CAST: variants seen among roughly 807,000 people sequenced by gnomAD.
CAST encodes calpastatin, also known as MIR583 host.
Under a neutral mutation model 119.6 loss-of-function variants are expected in CAST, and 76 were observed. The observed-to-expected ratio is 0.64, with a 90% CI of 0.53 to 0.77. The LOEUF is 0.77. Among genes scored for constraint, CAST ranks in the 30% least tolerant of loss-of-function variants. The pLI, the probability that CAST is intolerant of heterozygous loss-of-function variation, is 0.00. For missense variants in CAST, 953 were observed against 946.5 expected, an observed-to-expected ratio of 1.01 and a Z score of -0.09; for synonymous variants, 319 against 331.6, an observed-to-expected ratio of 0.96 and a Z score of 0.41.
At chr5:96,682,988 C>T (rs554562566) in intron 2 of CAST, among the ~76,000 whole-genome samples, 1 of 152,090 alleles carries the variant, frequency 6.6e-6, no homozygotes, top group African/African-American at 2.4e-5. Context: ...CCACACCCTG[C>T]CCACTCCACT....
chr5:96,711,272 TG>T (rs1756094320), intron 3 of CAST, among the ~76,000 whole-genome samples: 1 of 152,158 alleles, frequency 6.6e-6, no homozygotes, highest in African/African-American at 2.4e-5. Flanking sequence ...ACTGAAAATT[TG>T]GGTACCATTC....
At chr5:96,609,082 C>T (rs1747312006) in intron 1 of CAST, among the ~76,000 whole-genome samples, 1 of 152,194 alleles carries the variant, frequency 6.6e-6, no homozygotes, top group South Asian at 2.1e-4. Context: ...GCCTGTCCAG[C>T]CTCAGACAGA....
chr5:96,237,827 A>T, the CAST span, among the ~76,000 whole-genome samples: 1 of 152,124 alleles, frequency 6.6e-6, no homozygotes, highest in South Asian at 2.1e-4. Context: ...TTGTCCAAAG[A>T]ATTTCTCATG....
the CAST span, among the ~76,000 whole-genome samples, chr5:96,495,799 T>G: frequency 2.0e-5 from 3 of 152,228 alleles, no homozygotes; most frequent in Non-Finnish European, 2.9e-5. Context: ...AAAAATTATT[T>G]CAAGATAATA....
chr5:96,191,007 C>T, the CAST span, among the ~76,000 whole-genome samples: 502 of 152,256 alleles, frequency 3.3e-3, 2 homozygotes, highest in Non-Finnish European at 6.2e-3. Flanking sequence ...TGTATTAATT[C>T]GCTTAGGATA....
the CAST span, among the ~76,000 whole-genome samples, chr5:96,048,700 A>G: frequency 6.6e-6 from 1 of 151,986 alleles, no homozygotes; most frequent in Non-Finnish European, 1.5e-5. Context: ...CATGTCCCAA[A>G]TATGTCAGAA....
rs568981782 is a variant in CAST, at chr5:96,696,805, G to C, written c.210+898G>C. Among the ~76,000 whole-genome samples the C allele has an allele frequency of 5.3e-5, 8 of 152,168 alleles. No homozygotes were observed. In the East Asian group the frequency reaches 1.3e-3, roughly 26 times the overall value. On this transcript the variant is annotated intron_variant, in intron 3 of 31. Coordinates refer to ENST00000675179, the MANE Select transcript of CAST (RefSeq NM_001750.7). ...TGGGAGGTCGAGGCTGCAGTGAGCT[G>C]TGACAGTGCCACTGCACTCCAGCCT... is the stretch of plus-strand genomic sequence containing the variant.
chr5:96,458,719 G>A, the CAST span, among the ~76,000 whole-genome samples: 2 of 152,032 alleles, frequency 1.3e-5, no homozygotes, highest in African/African-American at 4.8e-5. Context: ...AATCTTTAAA[G>A]TCCTTGATTT....
the CAST span, among the ~76,000 whole-genome samples, chr5:96,412,716 C>A: frequency 5.6e-5 from 8 of 143,822 alleles, no homozygotes; most frequent in African/African-American, 2.2e-4. Flanking sequence ...AGAGATAATA[C>A]TATGCAATAC....
chr5:96,369,061 T>C, the CAST span, among the ~76,000 whole-genome samples: 1 of 151,970 alleles, frequency 6.6e-6, no homozygotes, highest in Non-Finnish European at 1.5e-5. Context: ...ATTTCATCCA[T>C]GCACCCTCAA....
chr5:96,317,312 A>AAG, the CAST span, among the ~76,000 whole-genome samples: 1 of 149,142 alleles, frequency 6.7e-6, no homozygotes, highest in African/African-American at 2.5e-5. Context: ...AAAAATACAA[A>AAG]AAAAAAAAAA....
At chr5:96,073,533 C>G in the CAST span, among the ~76,000 whole-genome samples, 4 of 152,118 alleles carry the variant, frequency 2.6e-5, no homozygotes, top group East Asian at 1.9e-4. Flanking sequence ...GCACCAAGGA[C>G]CAGTTTCCTT....
chr5:96,666,948 A>G (rs1749419285), intron 1 of CAST, among the ~76,000 whole-genome samples: 1 of 152,162 alleles, frequency 6.6e-6, no homozygotes. Context: ...AGGTATTTTT[A>G]AGATGAAAAT....
At chr5:96,590,921 G>T (rs1180498532) in intron 1 of CAST, among the ~76,000 whole-genome samples, 2 of 152,150 alleles carry the variant, frequency 1.3e-5, no homozygotes, top group African/African-American at 4.8e-5. Context: ...AACATGCATA[G>T]AATTGTTCCA....
the CAST span, among the ~76,000 whole-genome samples, chr5:96,104,016 G>A: frequency 7.3e-3 from 1,118 of 152,242 alleles, 15 homozygotes; most frequent in African/African-American, 0.026. Flanking sequence ...GTGTTTTTTG[G>A]CTGCATAAAT....
chr5:96,086,620 T>C, the CAST span, among the ~76,000 whole-genome samples: 2 of 152,180 alleles, frequency 1.3e-5, no homozygotes, highest in African/African-American at 4.8e-5. Context: ...TAATAAAAAC[T>C]GTCCAAAGCC....
chr5:96,317,165 T>C, the CAST span, among the ~76,000 whole-genome samples: 1 of 151,946 alleles, frequency 6.6e-6, no homozygotes, highest in Non-Finnish European at 1.5e-5. Flanking sequence ...ACACGTACAT[T>C]ATAAAGGTGT....
the CAST span, among the ~76,000 whole-genome samples, chr5:96,101,308 G>A: frequency 1.3e-5 from 2 of 152,162 alleles, no homozygotes; most frequent in African/African-American, 4.8e-5. Context: ...GATATGGAAG[G>A]CTGACTATAA....
At chr5:96,473,612 A>T in the CAST span, among the ~76,000 whole-genome samples, 1 of 152,296 alleles carries the variant, frequency 6.6e-6, no homozygotes, top group South Asian at 2.1e-4. Flanking sequence ...GGAAAGACAC[A>T]TGTGAATGGA....
Sources: allele counts gnomAD v4.1 joint callset (sites outside exome capture counted in the v4.1 genomes callset), GRCh38; gene constraint gnomAD v4.1.1; transcripts MANE v1.5; gene names NCBI Gene and HGNC (gene_info 2026-07-23, HGNC 2026-07-21).